Variants in RBFOX1 observed in about 807,000 individuals in gnomAD.
RBFOX1 encodes the protein RNA binding fox-1 homolog 1.
In RBFOX1, 8 loss-of-function variants were observed where a neutral mutation model predicts 57.7. The observed-to-expected ratio is 0.14, with a 90% confidence interval of 0.08 to 0.25. The LOEUF (loss-of-function observed/expected upper bound fraction) is 0.25, where lower values mean the gene tolerates loss of function less well. Among genes scored for constraint, RBFOX1 ranks in the 10% least tolerant of loss-of-function variants. RBFOX1 has a pLI of 1.00. For missense variants in RBFOX1, 611 were observed against 548.5 expected (o/e 1.11, Z -1.14); for synonymous variants, 326 against 222.4 (o/e 1.47, Z -4.15).
intron 3 of RBFOX1, chr16:5,838,546 G>T: frequency 6.3e-6 from 1 of 158,932 alleles, no homozygotes; most frequent in Non-Finnish European, 1.4e-5. Flanking sequence ...ATGACTGTTT[G>T]GCTGCCCGTC....
intron 3 of RBFOX1, among the ~76,000 whole-genome samples, chr16:6,898,022 G>T (rs897453194): frequency 6.6e-6 from 1 of 152,146 alleles, no homozygotes; most frequent in African/African-American, 2.4e-5. Flanking sequence ...CAAGAGACCA[G>T]GTCAGGTTTT....
intron 2 of RBFOX1, among the ~76,000 whole-genome samples, chr16:6,532,532 G>C (rs1297973444): frequency 1.3e-5 from 2 of 152,104 alleles, no homozygotes; most frequent in Admixed American, 1.3e-4. Flanking sequence ...TCCTTCCTCT[G>C]TACCCTTTAA....
intron 3 of RBFOX1, among the ~76,000 whole-genome samples, chr16:6,657,043 C>G (rs1374514960): frequency 9.1e-6 from 1 of 109,448 alleles, no homozygotes; most frequent in Non-Finnish European, 1.8e-5. Flanking sequence ...CTCCCCTTTC[C>G]TCTCCTCTCC....
chr16:5,490,182 G>C (rs776054634), intron 2 of RBFOX1, among the ~76,000 whole-genome samples: 3 of 152,198 alleles, frequency 2.0e-5, no homozygotes, highest in Non-Finnish European at 4.4e-5. Context: ...GGTGGAAGAG[G>C]TTAGGGACCA....
intron 3 of RBFOX1, among the ~76,000 whole-genome samples, chr16:7,002,418 C>T (rs2092904202): frequency 6.6e-6 from 1 of 152,174 alleles, no homozygotes. Flanking sequence ...TAAAAAAGAT[C>T]TTTTCAACTA....
At chr16:6,076,640 A>G (rs1361648365) in intron 1 of RBFOX1, among the ~76,000 whole-genome samples, 2 of 124,156 alleles carry the variant, frequency 1.6e-5, no homozygotes, top group Non-Finnish European at 4.0e-5. Context: ...GGAAATCTAT[A>G]AAATTTTTTG....
intron 4 of RBFOX1, among the ~76,000 whole-genome samples, chr16:7,188,967 C>G (rs996901213): frequency 6.6e-6 from 1 of 152,098 alleles, no homozygotes; most frequent in Non-Finnish European, 1.5e-5. Flanking sequence ...GCTTGATAAA[C>G]CACTCAAGGA....
At chr16:7,168,766 T>A (rs2080084036) in intron 4 of RBFOX1, among the ~76,000 whole-genome samples, 1 of 152,204 alleles carries the variant, frequency 6.6e-6, no homozygotes, top group Non-Finnish European at 1.5e-5. Context: ...CACTCCATAA[T>A]GTACACCATC....
chr16:5,894,940 A>G (rs541435194), intron 4 of RBFOX1, among the ~76,000 whole-genome samples: 74 of 152,166 alleles, frequency 4.9e-4, no homozygotes, highest in South Asian at 1.0e-3. Context: ...GGAGAATGGC[A>G]TGAACCCGGG....
At chr16:6,173,287 C>T (rs1029108093) in intron 1 of RBFOX1, among the ~76,000 whole-genome samples, 5 of 152,118 alleles carry the variant, frequency 3.3e-5, no homozygotes, top group Non-Finnish European at 5.9e-5. Flanking sequence ...GACAGGAAAA[C>T]AGATCTCAAA....
intron 3 of RBFOX1, among the ~76,000 whole-genome samples, chr16:6,981,341 C>T (rs769529814): frequency 5.3e-5 from 8 of 152,116 alleles, no homozygotes; most frequent in Non-Finnish European, 7.4e-5. Flanking sequence ...TTATTTAGCT[C>T]CTACTTTACT....
chr16:5,640,632 TAC>T (rs906568670), intron 3 of RBFOX1, among the ~76,000 whole-genome samples: 63 of 150,612 alleles, frequency 4.2e-4, no homozygotes, highest in African/African-American at 1.5e-3. Context: ...ACACCATGCA[TAC>T]ACACAAACAC....
chr16:5,245,852 G>C (rs1345587094), intron 1 of RBFOX1, among the ~76,000 whole-genome samples: 24 of 152,144 alleles, frequency 1.6e-4, no homozygotes, highest in Non-Finnish European at 4.4e-5. Flanking sequence ...CCATTTAATC[G>C]TGGATGGGTA....
chr16:5,525,731 C>T (rs1454677088), intron 2 of RBFOX1, among the ~76,000 whole-genome samples: 2 of 152,020 alleles, frequency 1.3e-5, no homozygotes, highest in Admixed American at 1.3e-4. Flanking sequence ...CTCCTGACCT[C>T]AGGTGATCCA....
chr16:7,070,729 G>T (rs1164696036), intron 4 of RBFOX1, among the ~76,000 whole-genome samples: 1 of 152,184 alleles, frequency 6.6e-6, no homozygotes, highest in African/African-American at 2.4e-5. Flanking sequence ...AGAGCATCCT[G>T]CCCTGAATGT....
At chr16:7,464,372 A>T (rs762150892) in intron 4 of RBFOX1, among the ~76,000 whole-genome samples, 2 of 152,044 alleles carry the variant, frequency 1.3e-5, no homozygotes, top group Non-Finnish European at 1.5e-5. Flanking sequence ...AATATCGCAG[A>T]AGCTGGTAAA....
At chr16:6,986,941 C>T (rs377642695) in intron 3 of RBFOX1, among the ~76,000 whole-genome samples, 58 of 152,278 alleles carry the variant, frequency 3.8e-4, no homozygotes, top group Admixed American at 1.3e-3. Flanking sequence ...CTGCCCACCC[C>T]GCCTGCATTC....
chr16:6,329,338 A>G (rs753201871), intron 2 of RBFOX1, among the ~76,000 whole-genome samples: 34 of 152,180 alleles, frequency 2.2e-4, no homozygotes, highest in Non-Finnish European at 4.4e-5. Flanking sequence ...TTACTCTTCT[A>G]CAGATGAGAA....
At chr16:7,336,262 A>T (rs529402204) in intron 4 of RBFOX1, among the ~76,000 whole-genome samples, 1 of 152,156 alleles carries the variant, frequency 6.6e-6, no homozygotes, top group Non-Finnish European at 1.5e-5. Flanking sequence ...TGGTTAGGCT[A>T]TTTGGTTAGT....
Sources: gnomAD v4.1 joint callset for allele counts (sites outside exome capture counted in the v4.1 genomes callset) on GRCh38, gnomAD v4.1.1 for gene constraint, MANE v1.5 for transcripts, NCBI Gene and HGNC (gene_info 2026-07-23, HGNC 2026-07-21) for gene names.